TMEM19: variants seen among roughly 807,000 people sequenced by gnomAD.
TMEM19 encodes the protein transmembrane protein 19.
A neutral mutation model predicts 33.6 loss-of-function variants in TMEM19; 21 were observed. That is an observed-to-expected ratio of 0.62 (90% confidence interval 0.44 to 0.90). The LOEUF is 0.90. Among genes scored for constraint, TMEM19 ranks in the 40% least tolerant of loss-of-function variants. The probability of loss-of-function intolerance (pLI) is 0.00; values close to 1 mark genes in which losing one functional copy is unlikely to be tolerated. For missense variants in TMEM19, 402 were observed against 401.8 expected, an observed-to-expected ratio of 1.00 and a Z score of 0.00; for synonymous variants, 149 against 147.5, an observed-to-expected ratio of 1.01 and a Z score of -0.07.
At chr12:71,699,329 G>A in intron 5 of TMEM19, 1 of 610,180 alleles carries the variant, frequency 1.6e-6, no homozygotes, top group Non-Finnish European at 2.9e-6. Context: ...TAGAAGCCAT[G>A]TGGGGAAGAT....
Position 71,693,663 on chromosome 12 carries a change from T to C in TMEM19, c.245-2773T>C, listed in dbSNP as rs1243971237. Among the ~76,000 whole-genome samples, 3 of 151,864 alleles carry C rather than the reference T, an allele frequency of 2.0e-5. No individual in the cohort carries two copies. In the East Asian group the frequency reaches 5.8e-4, roughly 29 times the overall value. ...CTACTGCTATTCACAGTGATATAGTTTGACCATGTCTCCACACAAATCTCA... is the reference window on the plus strand; with the variant it reads ...CTACTGCTATTCACAGTGATATAGTCTGACCATGTCTCCACACAAATCTCA... On this transcript the variant is annotated intron_variant, in intron 2 of 5. Coordinates refer to ENST00000266673, the MANE Select transcript of TMEM19 (RefSeq NM_018279.4).
intron 2 of TMEM19, among the ~76,000 whole-genome samples, chr12:71,692,916 C>T (rs1416078591): frequency 6.6e-6 from 1 of 151,624 alleles, no homozygotes; most frequent in Non-Finnish European, 1.5e-5. Flanking sequence ...AAATTATGGC[C>T]AGGTATGGTG....
chr12:71,700,729 ACC>A, intron 5 of TMEM19, 101 bp from the exon 6 acceptor site: 1 of 1,162,914 alleles, frequency 8.6e-7, no homozygotes. Context: ...AAGTACATGT[ACC>A]CTAGAACTTA....
chr12:71,700,707 T>A, intron 5 of TMEM19, 125 bp from the exon 6 acceptor site: 1 of 978,734 alleles, frequency 1.0e-6, no homozygotes, highest in Non-Finnish European at 1.4e-6. Context: ...ATTTTGTTCT[T>A]TTTTTAAAAT....
rs998729104 is a variant in TMEM19, at chr12:71,704,254, C to G, written c.*3259C>G. On this transcript the variant is annotated 3_prime_UTR_variant, in exon 6 of 6. Transcript: ENST00000266673. Reference sequence around the variant, plus strand: ...CTCATTACTTGAGTTATCTGTTTCTCACATATATCTTTCCTGTTTCTAGCT... The same window carrying G: ...CTCATTACTTGAGTTATCTGTTTCTGACATATATCTTTCCTGTTTCTAGCT... 1 of 188,060 alleles carries G rather than the reference C, an allele frequency of 5.3e-6. No homozygotes were observed. The highest frequency in any genetic ancestry group is 2.3e-5 in the African/African-American group (1 of 42,666). The allele number at this position is 188,060 out of a possible 1,614,324, so 11.6% of individuals were successfully genotyped here.
At chr12:71,687,734 C>A (rs946346684) in intron 1 of TMEM19, among the ~76,000 whole-genome samples, 1 of 152,196 alleles carries the variant, frequency 6.6e-6, no homozygotes, top group Non-Finnish European at 1.5e-5. Context: ...ATATAAGGTA[C>A]TCTGGACTCA....
rs17110175 is a variant in TMEM19 at position 71,695,126 on chromosome 12, G to A, written c.245-1310G>A. ...AGAGGTAGAAAAGGTATGAACAGGA[G>A]ATAGCAGTTACTAATCTAAAATGTA... On this transcript the variant is annotated intron_variant, in intron 2 of 5. Transcript: ENST00000266673. Among the ~76,000 whole-genome samples the A allele has an allele frequency of 1.6e-3, 241 of 152,318 alleles. 4 individuals are homozygous for A. The East Asian group carries it at 0.036, about 23-fold the overall frequency.
In TMEM19 at chr12:71,704,282, T is replaced by A. The variant is rs544782155; in HGVS notation, c.*3287T>A. On this transcript the variant is annotated 3_prime_UTR_variant, in exon 6 of 6. Transcript: ENST00000266673. ...ATATATCTTTCCTGTTTCTAGCTGC[T>A]GTACACATAGGATGCTGCCTGCAGA... 5.7e-6 allele frequency: 1 copy of A among 174,968 alleles called. No homozygotes were observed. The highest frequency in any genetic ancestry group is 1.2e-5 in the Non-Finnish European group (1 of 80,666). 10.8% of individuals were successfully genotyped at this position (174,968 alleles called of 1,614,324 possible).
chr12:71,690,800 A>G (rs1327030468), intron 2 of TMEM19, among the ~76,000 whole-genome samples: 1 of 152,244 alleles, frequency 6.6e-6, no homozygotes, highest in Admixed American at 6.5e-5. Flanking sequence ...TAACAAGTGC[A>G]AAAGTCCAGA....
At chr12:71,687,634 A>G (rs560249263) in intron 1 of TMEM19, among the ~76,000 whole-genome samples, 3 of 152,286 alleles carry the variant, frequency 2.0e-5, no homozygotes, top group Non-Finnish European at 2.9e-5. Flanking sequence ...ACGGTATACT[A>G]TTTACATTTG....
intron 5 of TMEM19, chr12:71,699,348 G>T: frequency 1.7e-6 from 1 of 593,232 alleles, no homozygotes; most frequent in Non-Finnish European, 3.0e-6. Context: ...ATACAATAGT[G>T]CAGAGAACAG....
chr12:71,696,902 C>T (rs746069360), intron 3 of TMEM19, among the ~76,000 whole-genome samples: 27 of 152,158 alleles, frequency 1.8e-4, no homozygotes, highest in Non-Finnish European at 2.6e-4. Context: ...CTGCCTCGGC[C>T]TCCCAAAGTG....
In TMEM19 at chr12:71,703,521, G is replaced by C. The variant is rs1237442135; in HGVS notation, c.*2526G>C. 1 of 152,410 alleles carries C rather than the reference G, an allele frequency of 6.6e-6. No individual in the cohort carries two copies. The highest frequency in any genetic ancestry group is 1.5e-5 in the Non-Finnish European group (1 of 68,268). 9.4% of individuals were successfully genotyped at this position (152,410 alleles called of 1,614,324 possible). On this transcript the variant is annotated 3_prime_UTR_variant, in exon 6 of 6. Coordinates refer to ENST00000266673, the MANE Select transcript of TMEM19 (RefSeq NM_018279.4). ...AAAAATATTTATTGGGACTGTCTTT[G>C]AATTTAGTAGAATCACTGTATCATT...
chr12:71,700,989 G>A lies in TMEM19; in HGVS notation c.1005G>A (p.Arg335=), dbSNP rs773637464. Residue 335 remains arginine (R), a synonymous_variant, in exon 6 of 6, where the codon AGG becomes AGA. Transcript: ENST00000266673. ...LPTAAWGFWP[R]G ...CTGCTGCTTGGGGTTTTTGGCCCAG[G>A]GGGTGAACTTTATTTCATTTCCACA... 6 of 1,606,332 alleles carry A rather than the reference G, an allele frequency of 3.7e-6. No homozygotes were observed. Among genetic ancestry groups the A allele is most frequent in the Non-Finnish European group, 4.2e-6 (5 of 1,176,712 alleles).
Position 71,689,594 on chromosome 12 carries a change from A to G in TMEM19, c.134A>G (p.Asn45Ser). The stretch of plus-strand genomic sequence containing the variant: ...CTCCACCTTTATAATTTTTCAGGTA[A>G]CTTACGACCTATTTCTCCGTGGCGT... ...ISMTASTYYG[N>S]LRPISPWRWL... Residue 45 changes from asparagine (N) to serine (S), a missense_variant, in exon 2 of 6, where the codon AAC (asparagine) becomes AGC (serine). By Grantham distance (46) the Asn-to-Ser change is conservative. Transcript: ENST00000266673. The G allele has an allele frequency of 6.2e-7, 1 of 1,613,830 alleles. No homozygotes were observed. Among genetic ancestry groups the G allele is most frequent in the Non-Finnish European group, 8.5e-7 (1 of 1,179,772 alleles).
Position 71,689,677 on chromosome 12 carries a change from A to T in TMEM19, c.217A>T (p.Ser73Cys). 6.2e-7 allele frequency: 1 copy of T among 1,614,014 alleles called. No homozygotes were observed. Among genetic ancestry groups the T allele is most frequent in the Non-Finnish European group, 8.5e-7 (1 of 1,179,930 alleles). The part of the protein sequence containing the change: ...LIVSNGLKKK[S>C]LDHSGALGGL... ...CGTCTCTAATGGCCTTAAAAAGAAA[A>T]GTCTAGATCACAGTGGGGCTCTAGG... The change falls in exon 2 of 6, where the codon AGT becomes TGT. Residue 73 changes from serine (S) to cysteine (C), a missense_variant. Ser to Cys is a moderately radical substitution (Grantham distance 112, BLOSUM62 -1). Coordinates refer to ENST00000266673, the MANE Select transcript of TMEM19 (RefSeq NM_018279.4).
chr12:71,690,044 A>G (rs1881759001), intron 2 of TMEM19, among the ~76,000 whole-genome samples: 1 of 152,230 alleles, frequency 6.6e-6, no homozygotes, highest in Non-Finnish European at 1.5e-5. Context: ...GCATTTGGAG[A>G]GAATAACTTT....
intron 1 of TMEM19, among the ~76,000 whole-genome samples, 181 bp downstream of exon 1, chr12:71,686,991 T>G (rs1398194743): frequency 1.3e-5 from 2 of 152,188 alleles, no homozygotes; most frequent in Non-Finnish European, 2.9e-5. Flanking sequence ...TAATAAATGC[T>G]TGTTGTGATA....
In TMEM19 at chr12:71,697,232, T is replaced by A. The variant is rs1184175539; in HGVS notation, c.383-48T>A. 3 of 1,551,792 alleles carry A rather than the reference T, an allele frequency of 1.9e-6. No homozygotes were observed. The African/African-American group carries it at 4.3e-5, about 22-fold the overall frequency. ...AACACCTATAACTGCATGGTTTTTC[T>A]TCTAAGGAGGAATCATTTGTTTGTC... On this transcript the variant is annotated intron_variant, in intron 3 of 5. Transcript: ENST00000266673.
Sources: gnomAD v4.1 joint callset for allele counts (sites outside exome capture counted in the v4.1 genomes callset) on GRCh38, gnomAD v4.1.1 for gene constraint, MANE v1.5 for transcripts, NCBI Gene and HGNC (gene_info 2026-07-23, HGNC 2026-07-21) for gene names.